The following UBAC2 variants were observed in gnomAD, a reference collection of about 807,000 sequenced individuals.
UBAC2 encodes the protein UBA domain containing 2, also known as ubiquitin-associated domain-containing protein 2.
In UBAC2, 26 loss-of-function variants were observed where a neutral mutation model predicts 44.0. The ratio of observed to expected loss-of-function variants is 0.59; its 90% CI spans 0.43 to 0.82. The LOEUF (loss-of-function observed/expected upper bound fraction) is 0.82. Ranked by LOEUF, UBAC2 falls within the 40% of genes least tolerant of loss-of-function variation. The pLI is 0.00. For synonymous variants in UBAC2, 155 were observed against 154.3 expected (o/e 1.00, Z -0.04); for missense variants, 329 against 419.4 (o/e 0.78, Z 1.88).
intron 4 of UBAC2, among the ~76,000 whole-genome samples, chr13:99,267,375 G>C (rs2043757346): frequency 6.6e-6 from 1 of 152,054 alleles, no homozygotes; most frequent in Non-Finnish European, 1.5e-5. Context: ...TTTTAGGCTT[G>C]CTCATTTATC....
At chr13:99,258,495 C>G (rs879426022) in intron 4 of UBAC2, 5 of 152,072 alleles carry the variant, frequency 3.3e-5, no homozygotes, top group Non-Finnish European at 7.4e-5. Context: ...GCATAAGCTC[C>G]CCTTGAAATG....
At position 99,264,967 on chromosome 13, in the gene UBAC2, GTT is replaced by G. The variant is rs34026571; in HGVS notation, c.389+20359_389+20360del. Among the ~76,000 whole-genome samples, 11 of 135,196 alleles carry G rather than the reference GTT, an allele frequency of 8.1e-5. 1 individual carries two copies. Among genetic ancestry groups the G allele is most frequent in the East Asian group, 2.1e-4 (1 of 4,708 alleles). 88.7% of individuals were successfully genotyped at this position (135,196 alleles called of 152,430 possible). A position where few individuals can be genotyped will look rare whatever the true frequency, so the allele number is the denominator to read the frequency against. ...TTAGTTCCTGATCTTTGCCATCGCT[GTT>G]TTTTTTTTTTTTTTTAATTGTTCTT... is the stretch of plus-strand genomic sequence containing the variant. On this transcript the variant is annotated intron_variant, in intron 4 of 8. Coordinates refer to ENST00000403766, the MANE Select transcript of UBAC2 (RefSeq NM_001144072.2).
chr13:99,372,977 G>A (rs1429714060), intron 8 of UBAC2, among the ~76,000 whole-genome samples: 7 of 151,920 alleles, frequency 4.6e-5, no homozygotes, highest in Admixed American at 2.0e-4. Flanking sequence ...AAAATTAGCC[G>A]GGCATGGTGA....
chr13:99,224,953 G>A (rs991938345), intron 1 of UBAC2, among the ~76,000 whole-genome samples: 2 of 152,090 alleles, frequency 1.3e-5, no homozygotes, highest in African/African-American at 4.8e-5. Flanking sequence ...TTGGATATTT[G>A]TGTATTATTG....
chr13:99,304,642 C>G (rs557885215), intron 4 of UBAC2, among the ~76,000 whole-genome samples: 1 of 152,306 alleles, frequency 6.6e-6, no homozygotes, highest in African/African-American at 2.4e-5. Flanking sequence ...TAAGCAGAGA[C>G]TGTGTTCCAG....
intron 4 of UBAC2, among the ~76,000 whole-genome samples, chr13:99,279,880 C>T (rs190340463): frequency 1.3e-5 from 2 of 152,348 alleles, no homozygotes; most frequent in Admixed American, 1.3e-4. Flanking sequence ...AAGAGCATCA[C>T]ACTGGGGGTT....
chr13:99,343,782 T>C (rs552177075), intron 7 of UBAC2, among the ~76,000 whole-genome samples: 1 of 152,370 alleles, frequency 6.6e-6, no homozygotes, highest in African/African-American at 2.4e-5. Flanking sequence ...ATAAGTATGA[T>C]AAATCACCAC....
chr13:99,210,703 C>T (rs1308195883), intron 1 of UBAC2, among the ~76,000 whole-genome samples: 2 of 151,998 alleles, frequency 1.3e-5, no homozygotes. Flanking sequence ...TCTCAAACTC[C>T]CGACCTCTGG....
At chr13:99,339,978 C>CA (rs1180003944) in intron 6 of UBAC2, among the ~76,000 whole-genome samples, 10 of 152,152 alleles carry the variant, frequency 6.6e-5, no homozygotes, top group African/African-American at 2.4e-4. Flanking sequence ...AGAGTCAGTA[C>CA]AGTGTGAAAG....
chr13:99,373,692 G>A (rs910794971), intron 8 of UBAC2, among the ~76,000 whole-genome samples: 1 of 152,156 alleles, frequency 6.6e-6, no homozygotes, highest in Non-Finnish European at 1.5e-5. Context: ...GAGGTGGGGA[G>A]CCACGGATGG....
chr13:99,249,860 C>T (rs577634469), intron 4 of UBAC2, among the ~76,000 whole-genome samples: 4 of 152,156 alleles, frequency 2.6e-5, no homozygotes, highest in East Asian at 1.9e-4. Flanking sequence ...TGGCCGCTTG[C>T]GTGTCTTCTT....
At chr13:99,239,399 C>T (rs2043275403) in intron 2 of UBAC2, among the ~76,000 whole-genome samples, 1 of 152,222 alleles carries the variant, frequency 6.6e-6, no homozygotes. Context: ...GATCTGTCTC[C>T]ATATCTATAC....
chr13:99,321,858 G>GCTGTCAGACCTCAGTCCTATTT (rs1488819999), intron 6 of UBAC2, among the ~76,000 whole-genome samples: 1 of 152,122 alleles, frequency 6.6e-6, no homozygotes, highest in Non-Finnish European at 1.5e-5. Flanking sequence ...GCCCAGGATG[G>GCTGTCAGACCTCAGTCCTATTT]CTGTCAGACC....
At chr13:99,201,798 G>A (rs1186816858) in intron 1 of UBAC2, among the ~76,000 whole-genome samples, 1 of 152,122 alleles carries the variant, frequency 6.6e-6, no homozygotes, top group South Asian at 2.1e-4. Context: ...TTGGCCGGGC[G>A]CGGTGGCTCA....
intron 4 of UBAC2, among the ~76,000 whole-genome samples, chr13:99,271,406 G>A (rs1327897862): frequency 6.6e-6 from 1 of 152,298 alleles, no homozygotes; most frequent in Non-Finnish European, 1.5e-5. Flanking sequence ...CATCCCGTAC[G>A]TGGACAGCTG....
At chr13:99,203,023 T>TTTAATTTA (rs373276231) in intron 1 of UBAC2, among the ~76,000 whole-genome samples, 2 of 146,422 alleles carry the variant, frequency 1.4e-5, no homozygotes, top group Non-Finnish European at 3.0e-5. Flanking sequence ...CTTTGTTTTA[T>TTTAATTTA]TTTATTTATT....
intron 4 of UBAC2, among the ~76,000 whole-genome samples, chr13:99,309,484 A>G (rs1295851341): frequency 6.6e-6 from 1 of 152,188 alleles, no homozygotes; most frequent in Non-Finnish European, 1.5e-5. Flanking sequence ...GAGGCCGCTG[A>G]AGCTGTATAT....
chr13:99,219,073 T>G (rs937297957), intron 1 of UBAC2, among the ~76,000 whole-genome samples: 1 of 152,230 alleles, frequency 6.6e-6, no homozygotes, highest in African/African-American at 2.4e-5. Flanking sequence ...CTGAGAAGTT[T>G]ACCAAATAGT....
intron 7 of UBAC2, among the ~76,000 whole-genome samples, chr13:99,345,796 G>A (rs552640987): frequency 7.0e-6 from 1 of 142,824 alleles, no homozygotes; most frequent in Non-Finnish European, 1.5e-5. Context: ...AGGCTGGAGT[G>A]CAGTGGCGTG....
Sources: gnomAD v4.1 joint callset for allele counts (sites outside exome capture counted in the v4.1 genomes callset) on GRCh38, gnomAD v4.1.1 for gene constraint, MANE v1.5 for transcripts, NCBI Gene and HGNC (gene_info 2026-07-23, HGNC 2026-07-21) for gene names.